STAMBPL1: variants seen among roughly 807,000 people sequenced by gnomAD.
STAMBPL1 encodes STAM binding protein like 1.
A neutral mutation model predicts 52.9 loss-of-function variants in STAMBPL1; 44 were observed. The observed-to-expected ratio is 0.83, with a 90% CI of 0.65 to 1.07. STAMBPL1 has a LOEUF of 1.07. Ranked by LOEUF, STAMBPL1 falls within the 50% of genes least tolerant of loss-of-function variation. The probability of loss-of-function intolerance (pLI) is 0.00; values close to 1 mark genes in which losing one functional copy is unlikely to be tolerated. For missense variants in STAMBPL1, 511 were observed against 520.8 expected (o/e 0.98, Z 0.18); for synonymous variants, 164 against 177.3 (o/e 0.92, Z 0.60).
At chr10:88,898,277 A>G (rs1844860065) in intron 1 of STAMBPL1, among the ~76,000 whole-genome samples, 1 of 152,238 alleles carries the variant, frequency 6.6e-6, no homozygotes, top group Admixed American at 6.5e-5. Context: ...CCCTCTGGAA[A>G]TCTCCACTAT....
intron 1 of STAMBPL1, among the ~76,000 whole-genome samples, chr10:88,888,754 A>T (rs544679389): frequency 2.0e-5 from 3 of 152,342 alleles, no homozygotes; most frequent in African/African-American, 7.2e-5. Flanking sequence ...ACCAGAATTT[A>T]CACATGTAGA....
At position 88,914,607 on chromosome 10, in the gene STAMBPL1, A is replaced by C; in HGVS notation, c.852A>C (p.Glu284Asp). 6.6e-7 allele frequency: 1 copy of C among 1,522,664 alleles called. No individual in the cohort carries two copies. Among genetic ancestry groups the C allele is most frequent in the South Asian group, 1.3e-5 (1 of 76,362 alleles). 94.3% of individuals were successfully genotyped at this position (1,522,664 alleles called of 1,614,324 possible). The stretch of plus-strand genomic sequence containing the variant: ...GCCACAAATTTCTGCAACTGGCAGA[A>C]TCTAATACAGTGAGAGGAATAGAAA... Reference protein sequence around the residue: ...DLCHKFLQLAESNTVRGIETC... With the variant: ...DLCHKFLQLADSNTVRGIETC... Residue 284 changes from glutamate (E) to aspartate (D), a missense_variant, in exon 7 of 11, where the codon GAA becomes GAC. By Grantham distance (45) the Glu-to-Asp change is conservative (BLOSUM62 2). Around this residue, in one of 3 missense-constraint regions of STAMBPL1, gnomAD observed 358 missense variants for 343.5 expected, o/e 1.04. Coordinates refer to ENST00000371926, the MANE Select transcript of STAMBPL1 (RefSeq NM_020799.4).
chr10:88,899,182 TG>T (rs1345840754), intron 1 of STAMBPL1, among the ~76,000 whole-genome samples: 1 of 152,222 alleles, frequency 6.6e-6, no homozygotes, highest in Non-Finnish European at 1.5e-5. Flanking sequence ...ATTATCCTTC[TG>T]TGAATTCAAG....
chr10:88,885,366 G>A (rs564174880), intron 1 of STAMBPL1, among the ~76,000 whole-genome samples: 2 of 152,226 alleles, frequency 1.3e-5, no homozygotes, highest in African/African-American at 2.4e-5. Flanking sequence ...TGATGTTTTC[G>A]TATTTTGTAA....
intron 1 of STAMBPL1, among the ~76,000 whole-genome samples, chr10:88,881,158 A>G (rs2048840370): frequency 6.6e-6 from 1 of 152,128 alleles, no homozygotes; most frequent in African/African-American, 2.4e-5. Context: ...ATGAGCGACT[A>G]AGACATTGCC....
chr10:88,921,167 C>G (rs1020718372), intron 8 of STAMBPL1, 116 bp from the exon 9 acceptor site: 3 of 730,010 alleles, frequency 4.1e-6, no homozygotes, highest in East Asian at 2.8e-5. Context: ...TTTTAAAAAT[C>G]CTTATTTGAT....
Position 88,901,664 on chromosome 10 carries a change from A to G in STAMBPL1, c.-45A>G. ...TCTTGTTTTTGAAACAGATGAAGTG[A>G]TTGAGAAGAAACAGTGAACATCCTC... On this transcript the variant is annotated 5_prime_UTR_variant, in exon 2 of 11. It removes the in-frame stop codon of an upstream open reading frame in the 5' UTR. Transcript: ENST00000371926. The G allele has an allele frequency of 6.3e-7, 1 of 1,591,408 alleles. No individual in the cohort carries two copies. The highest frequency in any genetic ancestry group is 8.5e-7 in the Non-Finnish European group (1 of 1,170,748).
chr10:88,923,191 A>G lies in STAMBPL1; in HGVS notation c.1278A>G (p.Lys426=). ...AGATATGCAAACATGTGTTGGTAAA[A>G]GACATAAAAATAATTGTGTTGGATC... ...LFSICKHVLV[K]DIKIIVLDLR The change falls in exon 11 of 11, where the codon AAA becomes AAG. Residue 426 remains lysine (K), a synonymous_variant. Coordinates refer to ENST00000371926, the MANE Select transcript of STAMBPL1 (RefSeq NM_020799.4). 6.2e-7 allele frequency: 1 copy of G among 1,606,302 alleles called. No homozygotes were observed. The highest frequency in any genetic ancestry group is 8.5e-7 in the Non-Finnish European group (1 of 1,178,316).
chr10:88,912,374 A>G (rs1845248212), intron 5 of STAMBPL1: 1 of 152,220 alleles, frequency 6.6e-6, no homozygotes, highest in East Asian at 1.9e-4. Context: ...TGACCTAATA[A>G]GCCTGGATAT....
In STAMBPL1 at chr10:88,923,140, A is replaced by G. The variant is rs771664170; in HGVS notation, c.1255-28A>G. ...TAAACATTATGGTGAAATCAAACAT[A>G]TGGTAAAACCAATTTTTTCTTTCCT... is the stretch of plus-strand genomic sequence containing the variant. On this transcript the variant is annotated intron_variant, in intron 10 of 10. Coordinates refer to ENST00000371926, the MANE Select transcript of STAMBPL1 (RefSeq NM_020799.4). The G allele has an allele frequency of 2.6e-6, 4 of 1,539,914 alleles. No homozygotes were observed. The Admixed American group carries it at 5.4e-5, about 21-fold the overall frequency.
chr10:88,916,944 T>G (rs938088207), intron 8 of STAMBPL1, 127 bp downstream of exon 8: 6 of 1,018,350 alleles, frequency 5.9e-6, no homozygotes, highest in Non-Finnish European at 8.2e-6. Flanking sequence ...ATAAAGGTTG[T>G]CATTTAAGTA....
intron 4 of STAMBPL1, among the ~76,000 whole-genome samples, chr10:88,909,873 T>A (rs1845172719): frequency 6.6e-6 from 1 of 152,172 alleles, no homozygotes; most frequent in African/African-American, 2.4e-5. Flanking sequence ...AGTGTTAGGA[T>A]TACAGGTGTG....
intron 1 of STAMBPL1, among the ~76,000 whole-genome samples, chr10:88,900,086 G>C (rs1384273946): frequency 6.6e-6 from 1 of 152,138 alleles, no homozygotes; most frequent in Non-Finnish European, 1.5e-5. Flanking sequence ...TGCAGGCTTA[G>C]AGCTCAATGT....
chr10:88,898,488 C>T (rs1728665844), intron 1 of STAMBPL1, among the ~76,000 whole-genome samples: 1 of 151,926 alleles, frequency 6.6e-6, no homozygotes, highest in Non-Finnish European at 1.5e-5. Flanking sequence ...GACTAGGGGG[C>T]AAAAAGATAA....
chr10:88,905,665 G>T lies in STAMBPL1; in HGVS notation c.248+5G>T. The T allele has an allele frequency of 6.2e-7, 1 of 1,607,716 alleles. No individual in the cohort carries two copies. The highest frequency in any genetic ancestry group is 8.5e-7 in the Non-Finnish European group (1 of 1,174,880). On this transcript the variant is annotated splice_donor_5th_base_variant and intron_variant, in intron 3 of 10. Coordinates refer to ENST00000371926, the MANE Select transcript of STAMBPL1 (RefSeq NM_020799.4). ...TCTTTATAATAAATTTATAACGTAA[G>T]TGTTTTAAAGGCCTCTGAAGTGAGA...
chr10:88,899,542 C>T (rs1280964459), intron 1 of STAMBPL1, among the ~76,000 whole-genome samples: 1 of 152,186 alleles, frequency 6.6e-6, no homozygotes, highest in Non-Finnish European at 1.5e-5. Context: ...TGGAGTCTCG[C>T]TCTGTCACCC....
At chr10:88,898,191 A>G (rs1844858571) in intron 1 of STAMBPL1, among the ~76,000 whole-genome samples, 1 of 152,176 alleles carries the variant, frequency 6.6e-6, no homozygotes, top group South Asian at 2.1e-4. Context: ...AGTTATATCT[A>G]TTTATATTTA....
intron 3 of STAMBPL1, among the ~76,000 whole-genome samples, chr10:88,906,581 G>A (rs1423289981): frequency 1.3e-5 from 2 of 152,174 alleles, no homozygotes; most frequent in Non-Finnish European, 2.9e-5. Context: ...GAATGACCAA[G>A]TCAAGACAAT....
intron 1 of STAMBPL1, among the ~76,000 whole-genome samples, chr10:88,886,666 T>A (rs1167706576): frequency 2.6e-5 from 4 of 152,226 alleles, no homozygotes; most frequent in Non-Finnish European, 4.4e-5. Context: ...GATGCTTCTC[T>A]GGGTTAATTT....
Sources: allele counts gnomAD v4.1 joint callset (sites outside exome capture counted in the v4.1 genomes callset), GRCh38; gene constraint gnomAD v4.1.1; regional missense constraint gnomAD v4.1.1; transcripts MANE v1.5; gene names NCBI Gene and HGNC (gene_info 2026-07-23, HGNC 2026-07-21).